GSE1: variants seen among roughly 807,000 people sequenced by gnomAD.
GSE1 encodes the protein genetic suppressor element 1.
Under a neutral mutation model 112.6 loss-of-function variants are expected in GSE1, and 32 were observed. The observed-to-expected ratio is 0.28, with a 90% CI of 0.21 to 0.38. The LOEUF (loss-of-function observed/expected upper bound fraction) is 0.38. Among genes scored for constraint, GSE1 ranks in the 10% least tolerant of loss-of-function variants. The probability of loss-of-function intolerance (pLI) is 1.00; values close to 1 mark genes in which losing one functional copy is unlikely to be tolerated. For synonymous variants in GSE1, 1,115 were observed against 735.6 expected (o/e 1.52, Z -8.35); for missense variants, 2,348 against 1,699.2 (o/e 1.38, Z -6.71).
chr16:85,340,130 G>T (rs1350041920), intron 1 of GSE1, among the ~76,000 whole-genome samples: 1 of 152,172 alleles, frequency 6.6e-6, no homozygotes, highest in Non-Finnish European at 1.5e-5. Context: ...ATCATGCAAG[G>T]CTGAGCCCAG....
intron 5 of GSE1, 62 bp downstream of exon 5, chr16:85,655,053 C>T (rs951040630): frequency 1.9e-6 from 2 of 1,080,990 alleles, no homozygotes; most frequent in Non-Finnish European, 1.4e-6. Context: ...AAGATGGAAC[C>T]TGGCGGGGAA....
At chr16:85,587,054 G>A (rs945659140) in intron 1 of GSE1, among the ~76,000 whole-genome samples, 4 of 152,132 alleles carry the variant, frequency 2.6e-5, no homozygotes, top group Admixed American at 2.6e-4. Context: ...GTGTGTGGTG[G>A]GGGCACCTCC....
At chr16:85,659,928 C>G (rs1234938545) in intron 8 of GSE1, among the ~76,000 whole-genome samples, 6 of 152,206 alleles carry the variant, frequency 3.9e-5, no homozygotes, top group Non-Finnish European at 8.8e-5. Flanking sequence ...GTGACAGGGG[C>G]CACTGGGGGG....
intron 1 of GSE1, chr16:85,285,835 T>G (rs1353885565): frequency 6.6e-6 from 1 of 152,214 alleles, no homozygotes; most frequent in Non-Finnish European, 1.5e-5. Context: ...CAAAACACCT[T>G]CCGCCTCCCA....
chr16:85,251,651 A>G (rs908391945), intron 1 of GSE1, among the ~76,000 whole-genome samples: 1 of 152,172 alleles, frequency 6.6e-6, no homozygotes, highest in Non-Finnish European at 1.5e-5. Flanking sequence ...GGGCGGTCAG[A>G]CCCTGCCTGC....
intron 2 of GSE1, among the ~76,000 whole-genome samples, chr16:85,527,203 T>G (rs2052391317): frequency 6.6e-6 from 1 of 152,230 alleles, no homozygotes; most frequent in Admixed American, 6.5e-5. Flanking sequence ...AACCGCTGCC[T>G]GGGCTTGTCT....
chr16:85,467,039 G>A (rs899870274), intron 2 of GSE1, among the ~76,000 whole-genome samples: 6 of 152,212 alleles, frequency 3.9e-5, no homozygotes, highest in Admixed American at 1.3e-4. Flanking sequence ...CAGCCTGGGC[G>A]ACTCCATCTT....
chr16:85,652,253 G>A lies in GSE1; in HGVS notation c.427-2025G>A, dbSNP rs535726356. 3.3e-5 allele frequency among the ~76,000 whole-genome samples: 5 copies of A among 152,364 alleles called. No individual in the cohort carries two copies. The East Asian group carries it at 9.6e-4, about 29-fold the overall frequency. On this transcript the variant is annotated intron_variant, in intron 3 of 15. Transcript: ENST00000253458. ...GGGCACATGCCATTGATGTGTGCAC[G>A]AGGCACGACAGGATGGCCAGGTCTC...
chr16:85,652,533 A>T (rs1441356901), intron 3 of GSE1, among the ~76,000 whole-genome samples: 1 of 149,528 alleles, frequency 6.7e-6, no homozygotes. Context: ...GCTGCCTCTC[A>T]TTGAAGATTC....
Position 85,674,317 on chromosome 16 carries a change from G to C in GSE1, c.*1778G>C, listed in dbSNP as rs530485008. 5 of 152,380 alleles carry C rather than the reference G, an allele frequency of 3.3e-5. No individual in the cohort carries two copies. Among genetic ancestry groups the C allele is most frequent in the African/African-American group, 9.6e-5 (4 of 41,582 alleles). 9.4% of individuals were successfully genotyped at this position (152,380 alleles called of 1,614,324 possible). A position where few individuals can be genotyped will look rare whatever the true frequency, so the allele number is the denominator to read the frequency against. ...TTGTACGTCTGCCAAGAATCTTCCA[G>C]TTATTAGCAAACTCAGACGAATGTA... On this transcript the variant is annotated 3_prime_UTR_variant, in exon 16 of 16. Coordinates refer to ENST00000253458, the MANE Select transcript of GSE1 (RefSeq NM_014615.5).
chr16:85,362,158 A>G (rs772997554), intron 2 of GSE1, among the ~76,000 whole-genome samples: 3 of 152,216 alleles, frequency 2.0e-5, no homozygotes, highest in Non-Finnish European at 2.9e-5. Context: ...CGGACTGACC[A>G]GGCATCTTCA....
At chr16:85,299,897 C>A (rs1317277309) in intron 1 of GSE1, among the ~76,000 whole-genome samples, 12 of 148,920 alleles carry the variant, frequency 8.1e-5, no homozygotes, top group Non-Finnish European at 1.6e-4. Context: ...GATCCCACCA[C>A]TGCACTCCAG....
chr16:85,331,687 A>G lies in GSE1; in HGVS notation c.2284-25776A>G, dbSNP rs28520261. Among the ~76,000 whole-genome samples the G allele has an allele frequency of 5.5e-3, 222 of 40,426 alleles. 13 individuals are homozygous for G. Among genetic ancestry groups the G allele is most frequent in the South Asian group, 0.035 (41 of 1,162 alleles). 26.5% of individuals were successfully genotyped at this position (40,426 alleles called of 152,430 possible). A position where few individuals can be genotyped will look rare whatever the true frequency, so the allele number is the denominator to read the frequency against. On this transcript the variant is annotated intron_variant, in intron 1 of 2. Coordinates refer to the GSE1 transcript ENST00000637419. ...TGTGTGTGTGTGTGTGTGTGTGTGT[A>G]TATATATATATATATATATATTTTT...
At chr16:85,556,464 G>C (rs1444779905) in intron 1 of GSE1, 1 of 376,048 alleles carries the variant, frequency 2.7e-6, no homozygotes, top group East Asian at 1.7e-4. Context: ...GCCAGGGTCG[G>C]GGCATTGGGT....
intron 1 of GSE1, among the ~76,000 whole-genome samples, chr16:85,252,284 G>C (rs1165133035): frequency 6.6e-6 from 1 of 152,212 alleles, no homozygotes; most frequent in Non-Finnish European, 1.5e-5. Flanking sequence ...CCTGGCTCTT[G>C]AGGGAATCTG....
upstream of GSE1, among the ~76,000 whole-genome samples, chr16:85,608,786 G>A (rs1459056708): frequency 6.6e-6 from 1 of 152,228 alleles, no homozygotes; most frequent in Admixed American, 6.5e-5. Context: ...TTGGTGAATG[G>A]CACAGGTGAT....
rs968519289 is a variant in GSE1, at chr16:85,514,434, C to G, written c.2465-119480C>G. Among the ~76,000 whole-genome samples the G allele has an allele frequency of 3.0e-4, 34 of 114,324 alleles. 3 individuals carry two copies. The East Asian group carries it at 4.0e-3, about 13-fold the overall frequency. 75.0% of individuals were successfully genotyped at this position (114,324 alleles called of 152,430 possible). A position where few individuals can be genotyped will look rare whatever the true frequency, so the allele number is the denominator to read the frequency against. ...GCCCGCATGCTCTCGAGTCCCCCCC[C>G]CCACCCCAGGGCAGCTCCTGGGGCA... is the stretch of plus-strand genomic sequence containing the variant. On this transcript the variant is annotated intron_variant, in intron 2 of 2. Transcript: ENST00000637419.
chr16:85,536,390 C>T (rs2044327585), intron 2 of GSE1, among the ~76,000 whole-genome samples: 1 of 152,200 alleles, frequency 6.6e-6, no homozygotes, highest in Non-Finnish European at 1.5e-5. Context: ...CTCCAGGAGG[C>T]AGGACGGTCG....
chr16:85,336,828 CAT>C (rs2046497974), intron 1 of GSE1, among the ~76,000 whole-genome samples: 1 of 152,254 alleles, frequency 6.6e-6, no homozygotes, highest in African/African-American at 2.4e-5. Flanking sequence ...CATATGTATA[CAT>C]ATGTCATGCC....
Sources: gnomAD v4.1 joint callset for allele counts (sites outside exome capture counted in the v4.1 genomes callset) on GRCh38, gnomAD v4.1.1 for gene constraint, MANE v1.5 for transcripts, NCBI Gene and HGNC (gene_info 2026-07-23, HGNC 2026-07-21) for gene names.